Variants in MACF1 observed in about 807,000 individuals in gnomAD.
The protein encoded by MACF1 is microtubule-actin cross-linking factor 1.
MACF1 carries 193 observed loss-of-function variants against 854.8 expected under a neutral mutation model. The observed-to-expected ratio is 0.23, with a 90% CI of 0.20 to 0.25. The LOEUF is 0.25. MACF1 is among the 10% of genes least tolerant of loss of function. The probability of loss-of-function intolerance (pLI) is 1.00; values close to 1 mark genes in which losing one functional copy is unlikely to be tolerated. For missense variants in MACF1, 7,722 were observed against 8,929.1 expected (o/e 0.86, Z 5.45); for synonymous variants, 3,185 against 3,226.7 (o/e 0.99, Z 0.44).
chr1:39,437,472 G>C (rs922806293), intron 70 of MACF1, among the ~76,000 whole-genome samples: 1 of 151,798 alleles, frequency 6.6e-6, no homozygotes, highest in Non-Finnish European at 1.5e-5. Flanking sequence ...CACCACACCC[G>C]GCTAATTTTT....
intron 58 of MACF1, chr1:39,410,210 G>C: frequency 2.3e-6 from 3 of 1,320,142 alleles, no homozygotes; most frequent in Non-Finnish European, 3.1e-6. Context: ...TGCATTTGGG[G>C]GGAACCTGTG....
intron 99 of MACF1, among the ~76,000 whole-genome samples, chr1:39,482,791 CA>C (rs1192268809): frequency 0.02 from 1,473 of 74,868 alleles, 11 homozygotes; most frequent in South Asian, 0.034. Context: ...GAGACTGCCT[CA>C]AAAAAAAAAA....
At chr1:39,170,507 A>C (rs925055121) in intron 2 of MACF1, among the ~76,000 whole-genome samples, 1 of 152,224 alleles carries the variant, frequency 6.6e-6, no homozygotes, top group Non-Finnish European at 1.5e-5. Flanking sequence ...ACACTAGACA[A>C]ATATTTGTTG....
chr1:39,234,047 C>T (rs1644820935), intron 2 of MACF1, among the ~76,000 whole-genome samples: 2 of 145,808 alleles, frequency 1.4e-5, no homozygotes, highest in African/African-American at 2.5e-5. Context: ...TTGCACCGCC[C>T]TTAATCCATT....
chr1:39,185,972 C>T (rs1644163558), intron 2 of MACF1, among the ~76,000 whole-genome samples: 1 of 152,132 alleles, frequency 6.6e-6, no homozygotes, highest in Non-Finnish European at 1.5e-5. Context: ...GAAGTCACCA[C>T]CTGACTCGTT....
chr1:39,254,633 T>C, intron 5 of MACF1: 4 of 421,740 alleles, frequency 9.5e-6, no homozygotes, highest in Non-Finnish European at 1.7e-5. Flanking sequence ...ATTTTGTGGA[T>C]GCACCTTAGG....
Position 39,428,131 on chromosome 1 carries a change from A to G in MACF1, c.16647A>G (p.Ala5549=). Residue 5549 remains alanine (A), a synonymous_variant, in exon 63 of 101, where the codon GCA becomes GCG. Transcript: ENST00000564288. ...SEIQDRCCRK[A]ALLDQALSNA... ...TTCAAGACCGCTGTTGTCGGAAGGC[A>G]GCCCTACTTGACCAAGCTCTGTCTA... 1 of 1,614,222 alleles carries G rather than the reference A, an allele frequency of 6.2e-7. No individual in the cohort carries two copies. The highest frequency in any genetic ancestry group is 8.5e-7 in the Non-Finnish European group (1 of 1,180,040).
chr1:39,149,476 C>T (rs931102734), intron 2 of MACF1, among the ~76,000 whole-genome samples: 4 of 151,380 alleles, frequency 2.6e-5, no homozygotes, highest in African/African-American at 7.3e-5. Context: ...CGCTGTGAGC[C>T]GAGATCGTGC....
chr1:39,201,874 G>A (rs913331087), upstream of MACF1, among the ~76,000 whole-genome samples: 7 of 148,860 alleles, frequency 4.7e-5, no homozygotes, highest in East Asian at 2.0e-4. Context: ...CATAAGAAAC[G>A]TAATTCTGCC....
In MACF1 at chr1:39,317,253, T is replaced by G. The variant is rs757505580; in HGVS notation, c.3628T>G (p.Ser1210Ala). The change falls in exon 29 of 101, where the codon TCA becomes GCA. Residue 1210 changes from serine to alanine, a missense_variant. Around this residue, in one of 15 missense-constraint regions of MACF1, gnomAD observed 1,137 missense variants for 1,263.0 expected, o/e 0.90. Transcript: ENST00000564288. ...TGTGAAGGACAAGAATTCAGTGTTT[T>G]CAGTCCTGGATGAGGAAATTGCCAA... ...SDVKDKNSVF[S>A]VLDEEIAKAK... 1.7e-5 allele frequency: 28 copies of G among 1,613,970 alleles called. No individual in the cohort carries two copies. Among genetic ancestry groups the G allele is most frequent in the Non-Finnish European group, 1.9e-5 (23 of 1,180,004 alleles).
chr1:39,294,589 T>A (rs1281178967), intron 18 of MACF1, among the ~76,000 whole-genome samples: 1 of 152,192 alleles, frequency 6.6e-6, no homozygotes, highest in African/African-American at 2.4e-5. Context: ...ATAGTAAGGA[T>A]CAGTATCCAG....
intron 89 of MACF1, 112 bp from the exon 90 acceptor site, chr1:39,458,258 C>T (rs1336228699): frequency 2.0e-6 from 2 of 1,014,080 alleles, no homozygotes; most frequent in African/African-American, 3.2e-5. Context: ...AGCCTCCACA[C>T]AGCCTTTCCT....
At chr1:39,112,723 A>T (rs1211895467) in intron 2 of MACF1, among the ~76,000 whole-genome samples, 1 of 152,208 alleles carries the variant, frequency 6.6e-6, no homozygotes, top group African/African-American at 2.4e-5. Context: ...TCCTGGGATG[A>T]GGGGTAATTC....
intron 61 of MACF1, among the ~76,000 whole-genome samples, chr1:39,425,968 A>C (rs1206024385): frequency 2.0e-5 from 3 of 152,206 alleles, no homozygotes; most frequent in African/African-American, 7.2e-5. Flanking sequence ...AGAAACAAAT[A>C]ACAAGAGTAG....
chr1:39,444,740 C>T lies in MACF1; in HGVS notation c.19510C>T (p.Arg6504Cys), dbSNP rs370434058. The change falls in exon 80 of 101, where the codon CGT becomes TGT. Residue 6504 changes from arginine to cysteine, a missense_variant. Physicochemically the swap from Arg to Cys is radical, Grantham distance 180. Around this residue, in one of 15 missense-constraint regions of MACF1, gnomAD observed 729 missense variants for 900.5 expected, o/e 0.81. Coordinates refer to ENST00000564288, the MANE Select transcript of MACF1 (RefSeq NM_001394062.1). ...LDKGRLMLLS[R>C]DDSGSGSKTE... Reference sequence around the variant, plus strand: ...CAAGGGCAGACTCATGCTTCTAAGCCGTGACGACTCTGGGTCTGGCTCCAA... The same window carrying T: ...CAAGGGCAGACTCATGCTTCTAAGCTGTGACGACTCTGGGTCTGGCTCCAA... 7 of 1,613,996 alleles carry T rather than the reference C, an allele frequency of 4.3e-6. No individual in the cohort carries two copies. The highest frequency in any genetic ancestry group is 2.5e-6 in the Non-Finnish European group (3 of 1,180,008).
In MACF1 at chr1:39,337,212, C is replaced by T. The variant is rs767656265; in HGVS notation, c.10096C>T (p.His3366Tyr). ...NVFTRQLCLE[H>Y]DEKLVSYLSL... Reference sequence around the variant, plus strand: ...ATTTACCCGGCAACTCTGTTTAGAACATGATGAAAAGCTAGTATCCTATCT... The same window carrying T: ...ATTTACCCGGCAACTCTGTTTAGAATATGATGAAAAGCTAGTATCCTATCT... Residue 3366 changes from histidine to tyrosine, a missense_variant, in exon 38 of 101, where the codon CAT becomes TAT. His to Tyr is a moderately conservative substitution (Grantham distance 83, BLOSUM62 2). Coordinates refer to ENST00000564288, the MANE Select transcript of MACF1 (RefSeq NM_001394062.1). The T allele has an allele frequency of 1.2e-6, 2 of 1,613,818 alleles. No homozygotes were observed. Among genetic ancestry groups the T allele is most frequent in the Non-Finnish European group, 1.7e-6 (2 of 1,179,856 alleles).
intron 47 of MACF1, 100 bp from the exon 48 acceptor site, chr1:39,360,693 A>C (rs1557609448): frequency 3.1e-6 from 1 of 323,440 alleles, no homozygotes; most frequent in Non-Finnish European, 4.9e-6. Flanking sequence ...AATAATAATA[A>C]TTTTTATTAT....
intron 52 of MACF1, among the ~76,000 whole-genome samples, chr1:39,378,099 G>A (rs896557088): frequency 2.0e-5 from 3 of 151,862 alleles, no homozygotes; most frequent in Non-Finnish European, 4.4e-5. Flanking sequence ...GAAACTTTCT[G>A]GCTTTATTAT....
At chr1:39,443,187 C>G (rs1040958275) in intron 78 of MACF1, among the ~76,000 whole-genome samples, 2 of 152,150 alleles carry the variant, frequency 1.3e-5, no homozygotes, top group African/African-American at 4.8e-5. Flanking sequence ...CAGGTCTCTT[C>G]CTATTCAACA....
Sources: gnomAD v4.1 joint callset for allele counts (sites outside exome capture counted in the v4.1 genomes callset) on GRCh38, gnomAD v4.1.1 for gene constraint, gnomAD v4.1.1 regional missense constraint, MANE v1.5 for transcripts, NCBI Gene and HGNC (gene_info 2026-07-23, HGNC 2026-07-21) for gene names.